The following ZSWIM5 variants were observed in gnomAD, a reference collection of about 807,000 sequenced individuals.
ZSWIM5 encodes zinc finger SWIM domain-containing protein 5.
ZSWIM5 carries 55 observed loss-of-function variants against 119.6 expected under a neutral mutation model. The ratio of observed to expected loss-of-function variants is 0.46; its 90% CI spans 0.37 to 0.58. ZSWIM5 has a LOEUF of 0.58. ZSWIM5 is among the 20% of genes least tolerant of loss of function. The pLI is 0.00. For synonymous variants in ZSWIM5, 537 were observed against 606.9 expected, an observed-to-expected ratio of 0.88 and a Z score of 1.69; for missense variants, 1,193 against 1,512.8, an observed-to-expected ratio of 0.79 and a Z score of 3.51.
At chr1:45,196,384 CT>C (rs767673983) in intron 1 of ZSWIM5, among the ~76,000 whole-genome samples, 8,106 of 75,956 alleles carry the variant, frequency 0.11, 63 homozygotes, top group Middle Eastern at 0.13. Flanking sequence ...CCCACAATTC[CT>C]TTTTTTTTTT....
chr1:45,188,285 A>G (rs1646070794), intron 1 of ZSWIM5, among the ~76,000 whole-genome samples: 1 of 152,364 alleles, frequency 6.6e-6, no homozygotes, highest in African/African-American at 2.4e-5. Flanking sequence ...AAGTACAGAT[A>G]TATGTTACAC....
At chr1:45,170,645 C>T (rs1413136469) in intron 1 of ZSWIM5, among the ~76,000 whole-genome samples, 1 of 151,898 alleles carries the variant, frequency 6.6e-6, no homozygotes, top group Admixed American at 6.6e-5. Context: ...ACTAGGCTGG[C>T]TTTGAACTCC....
At chr1:45,038,211 C>T (rs1644996906) in intron 8 of ZSWIM5, among the ~76,000 whole-genome samples, 1 of 152,066 alleles carries the variant, frequency 6.6e-6, no homozygotes, top group South Asian at 2.1e-4. Flanking sequence ...AAAATTGGTA[C>T]AAAACCATCA....
In ZSWIM5 at chr1:45,206,141, G is replaced by C. The variant is rs755686602; in HGVS notation, c.210C>G (p.Ala70=). ...LQPDSLLDCA[A]KTVAEKWAYE... is the part of the protein sequence containing the mutation. ...ATGCCCACTTTTCCGCCACCGTCTTGGCGGCGCAGTCCAGTAAGGAATCCG... is the reference window on the plus strand; with the variant it reads ...ATGCCCACTTTTCCGCCACCGTCTTCGCGGCGCAGTCCAGTAAGGAATCCG... The change falls in exon 1 of 14, where the codon GCC becomes GCG. Residue 70 remains alanine (A), a synonymous_variant. Transcript: ENST00000359600. 9 of 1,610,608 alleles carry C rather than the reference G, an allele frequency of 5.6e-6. No individual in the cohort carries two copies. In the East Asian group the frequency reaches 1.1e-4, roughly 20 times the overall value.
intron 8 of ZSWIM5, 43 bp downstream of exon 8, chr1:45,038,893 C>A (rs201201004): frequency 4.2e-5 from 68 of 1,608,864 alleles, no homozygotes; most frequent in Middle Eastern, 4.3e-4. Flanking sequence ...ACCATGCTAA[C>A]CAACAAGGGC....
At chr1:45,114,304 CAATATAA>C (rs1185557918) in intron 1 of ZSWIM5, among the ~76,000 whole-genome samples, 1 of 151,550 alleles carries the variant, frequency 6.6e-6, no homozygotes, top group Non-Finnish European at 1.5e-5. Context: ...TCTACTGTCT[CAATATAA>C]TTGTAAAGAA....
intron 4 of ZSWIM5, 128 bp downstream of exon 4, chr1:45,058,481 G>A: frequency 8.3e-7 from 1 of 1,203,952 alleles, no homozygotes; most frequent in Non-Finnish European, 1.2e-6. Context: ...GGCCTCTGTA[G>A]AACCTAAGTC....
chr1:45,102,477 CA>C (rs777680857), intron 1 of ZSWIM5, among the ~76,000 whole-genome samples: 11 of 152,160 alleles, frequency 7.2e-5, no homozygotes, highest in Non-Finnish European at 1.3e-4. Context: ...GTCATATCTC[CA>C]TTATAGTACT....
At chr1:45,097,564 G>T (rs1645410823) in intron 1 of ZSWIM5, among the ~76,000 whole-genome samples, 1 of 152,278 alleles carries the variant, frequency 6.6e-6, no homozygotes, top group Admixed American at 6.5e-5. Flanking sequence ...TACGTGATTT[G>T]CCCTAATCTT....
At chr1:45,178,148 G>A (rs1041552376) in intron 1 of ZSWIM5, among the ~76,000 whole-genome samples, 7 of 152,006 alleles carry the variant, frequency 4.6e-5, no homozygotes, top group South Asian at 4.1e-4. Flanking sequence ...AAATGGCGCC[G>A]GGCACAGTGG....
chr1:45,099,881 A>G (rs1645427921), intron 1 of ZSWIM5, among the ~76,000 whole-genome samples: 5 of 152,346 alleles, frequency 3.3e-5, no homozygotes, highest in Admixed American at 3.3e-4. Flanking sequence ...TAAATTAGGT[A>G]TTGATGTAAC....
At chr1:45,099,254 G>A (rs964328253) in intron 1 of ZSWIM5, among the ~76,000 whole-genome samples, 5 of 152,184 alleles carry the variant, frequency 3.3e-5, no homozygotes, top group Non-Finnish European at 7.3e-5. Flanking sequence ...ACTACCATCA[G>A]AGAATACTAT....
chr1:45,152,531 T>C (rs369878303), intron 1 of ZSWIM5, among the ~76,000 whole-genome samples: 1 of 151,880 alleles, frequency 6.6e-6, no homozygotes, highest in East Asian at 1.9e-4. Flanking sequence ...TAAATGGTGC[T>C]GGGTAGCTGG....
At chr1:45,124,246 A>G (rs1645608057) in intron 1 of ZSWIM5, among the ~76,000 whole-genome samples, 1 of 152,126 alleles carries the variant, frequency 6.6e-6, no homozygotes, top group Non-Finnish European at 1.5e-5. Context: ...TGTATTTGAC[A>G]CTTGGAAAAA....
intron 1 of ZSWIM5, among the ~76,000 whole-genome samples, chr1:45,168,243 G>A (rs1570173887): frequency 6.6e-6 from 1 of 151,892 alleles, no homozygotes; most frequent in Non-Finnish European, 1.5e-5. Context: ...CAAACACCCC[G>A]TGTTCTCGCT....
rs3051045 is a variant in ZSWIM5 at position 45,130,365 on chromosome 1, A to AACAC, written c.596-42132_596-42129dup. On this transcript the variant is annotated intron_variant, in intron 1 of 13. Coordinates refer to ENST00000359600, the MANE Select transcript of ZSWIM5 (RefSeq NM_020883.2). Reference sequence around the variant, plus strand: ...TTTATAATATACAAAGAACACTTAAAACACACACACACACACACACACACA... The same window carrying AACAC: ...TTTATAATATACAAAGAACACTTAAAACACACACACACACACACACACACACACA... 4.4e-3 allele frequency among the ~76,000 whole-genome samples: 666 copies of AACAC among 149,760 alleles called. 6 individuals are homozygous for AACAC. Among genetic ancestry groups the AACAC allele is most frequent in the East Asian group, 0.024 (122 of 5,076 alleles).
intron 2 of ZSWIM5, among the ~76,000 whole-genome samples, chr1:45,064,837 T>C (rs11211074): frequency 0.66 from 100,040 of 152,022 alleles, 34,455 homozygotes; most frequent in East Asian, 0.87. Context: ...GATATATATA[T>C]TGGTCTCTTT....
intron 11 of ZSWIM5, among the ~76,000 whole-genome samples, chr1:45,031,169 A>ATTTTTTTTTTTTTTT (rs34390567): frequency 1.6e-5 from 1 of 61,746 alleles, no homozygotes; most frequent in Non-Finnish European, 2.8e-5. Context: ...TTTTGCTCTG[A>ATTTTTTTTTTTTTTT]TTTTTTTTTT....
At chr1:45,152,469 T>C (rs1450499161) in intron 1 of ZSWIM5, among the ~76,000 whole-genome samples, 1 of 151,702 alleles carries the variant, frequency 6.6e-6, no homozygotes, top group Non-Finnish European at 1.5e-5. Context: ...AGCCATCTGA[T>C]CTTTGACAAA....
Sources: allele counts gnomAD v4.1 joint callset (sites outside exome capture counted in the v4.1 genomes callset), GRCh38; gene constraint gnomAD v4.1.1; transcripts MANE v1.5; gene names NCBI Gene and HGNC (gene_info 2026-07-23, HGNC 2026-07-21).